The following GALNT14 variants were observed in gnomAD, a reference collection of about 807,000 sequenced individuals.
GALNT14 encodes the protein UDP-GalNAc:polypeptide N-acetylgalactosaminyltransferase 14.
Under a neutral mutation model 77.5 loss-of-function variants are expected in GALNT14, and 60 were observed. The observed-to-expected ratio is 0.77, with a 90% CI of 0.63 to 0.96. The LOEUF (loss-of-function observed/expected upper bound fraction) is 0.96. GALNT14 is among the 40% of genes least tolerant of loss of function. The probability of loss-of-function intolerance (pLI) is 0.00; values close to 1 mark genes in which losing one functional copy is unlikely to be tolerated. For synonymous variants in GALNT14, 280 were observed against 281.7 expected (o/e 0.99, Z 0.06); for missense variants, 710 against 731.0 (o/e 0.97, Z 0.33).
the GALNT14 span, among the ~76,000 whole-genome samples, chr2:30,890,792 G>A: frequency 7.2e-5 from 11 of 152,056 alleles, no homozygotes; most frequent in Admixed American, 2.0e-4. Context: ...CTTTCTATTC[G>A]CTGGACCTGG....
chr2:30,930,981 G>C (rs1235486601), intron 10 of GALNT14, among the ~76,000 whole-genome samples: 1 of 152,214 alleles, frequency 6.6e-6, no homozygotes, highest in Non-Finnish European at 1.5e-5. Flanking sequence ...TTCCAGGCCG[G>C]CCCCCCTCCA....
At chr2:31,084,899 C>T (rs1053929356) in intron 1 of GALNT14, among the ~76,000 whole-genome samples, 3 of 152,124 alleles carry the variant, frequency 2.0e-5, no homozygotes, top group African/African-American at 7.2e-5. Context: ...GTGGCATGCA[C>T]CTGTAATCCC....
intron 1 of GALNT14, among the ~76,000 whole-genome samples, chr2:31,003,396 T>C (rs899782031): frequency 6.6e-6 from 1 of 152,166 alleles, no homozygotes; most frequent in African/African-American, 2.4e-5. Flanking sequence ...TTTTCCCCAC[T>C]TTCCTCCTCA....
chr2:30,969,126 C>T (rs915963070), intron 2 of GALNT14, among the ~76,000 whole-genome samples: 1 of 152,136 alleles, frequency 6.6e-6, no homozygotes, highest in Non-Finnish European at 1.5e-5. Flanking sequence ...CAGGAGGCAA[C>T]AAGTCACAGA....
At chr2:30,969,713 T>G (rs1268585486) in intron 2 of GALNT14, among the ~76,000 whole-genome samples, 1 of 152,078 alleles carries the variant, frequency 6.6e-6, no homozygotes, top group East Asian at 1.9e-4. Flanking sequence ...GTGAGGCAGT[T>G]CCCAGAATCC....
At chr2:31,058,376 CG>C (rs1674373995) in intron 1 of GALNT14, among the ~76,000 whole-genome samples, 1 of 152,082 alleles carries the variant, frequency 6.6e-6, no homozygotes, top group Non-Finnish European at 1.5e-5. Flanking sequence ...AGGGCGTTCT[CG>C]GTGAGTCTGC....
chr2:30,980,545 C>T (rs936032461), intron 2 of GALNT14, among the ~76,000 whole-genome samples: 2 of 152,200 alleles, frequency 1.3e-5, no homozygotes, highest in African/African-American at 2.4e-5. Context: ...TCCCATTTTA[C>T]AGATGAAGAA....
intron 1 of GALNT14, among the ~76,000 whole-genome samples, chr2:31,026,936 T>C (rs955936103): frequency 1.7e-5 from 1 of 57,552 alleles, no homozygotes; most frequent in Non-Finnish European, 4.0e-5. Context: ...CACGCATATC[T>C]ACAAGTGCAA....
At chr2:30,942,736 G>A (rs894157327) in intron 8 of GALNT14, among the ~76,000 whole-genome samples, 1 of 152,170 alleles carries the variant, frequency 6.6e-6, no homozygotes, top group East Asian at 1.9e-4. Context: ...AGAGGAGAAG[G>A]GCTGAGGCGG....
chr2:30,977,544 A>G (rs1175928977), intron 2 of GALNT14, among the ~76,000 whole-genome samples: 1 of 152,154 alleles, frequency 6.6e-6, no homozygotes, highest in East Asian at 1.9e-4. Flanking sequence ...CTTTCCACCT[A>G]AAGGATCAGA....
At chr2:31,064,764 C>G (rs1180908410) in intron 1 of GALNT14, among the ~76,000 whole-genome samples, 1 of 151,986 alleles carries the variant, frequency 6.6e-6, no homozygotes, top group African/African-American at 2.4e-5. Flanking sequence ...TCGGAAATGG[C>G]TCTGCTCTCA....
intron 1 of GALNT14, among the ~76,000 whole-genome samples, chr2:31,083,482 G>GGGAA (rs1198675340): frequency 6.6e-6 from 1 of 152,192 alleles, no homozygotes; most frequent in African/African-American, 2.4e-5. Flanking sequence ...AGAACAAGGA[G>GGGAA]GGAAGAGGAG....
chr2:31,039,159 T>C (rs1243444672), intron 1 of GALNT14, among the ~76,000 whole-genome samples: 6 of 152,236 alleles, frequency 3.9e-5, no homozygotes. Context: ...GTTGCTTTTA[T>C]GGAGATGTGG....
intron 11 of GALNT14, among the ~76,000 whole-genome samples, chr2:30,925,122 C>A (rs1319991736): frequency 6.6e-6 from 1 of 152,200 alleles, no homozygotes; most frequent in African/African-American, 2.4e-5. Flanking sequence ...AACAAAGCTG[C>A]AAGAACATTC....
downstream of GALNT14, among the ~76,000 whole-genome samples, chr2:30,907,626 G>C (rs1213433961): frequency 1.3e-5 from 2 of 152,048 alleles, no homozygotes; most frequent in Middle Eastern, 6.8e-3. Flanking sequence ...AATTCTACCA[G>C]AGGTACAAGG....
At chr2:31,049,877 T>C (rs185392922) in intron 1 of GALNT14, among the ~76,000 whole-genome samples, 314 of 152,340 alleles carry the variant, frequency 2.1e-3, no homozygotes, top group African/African-American at 7.2e-3. Context: ...GTGCCTTGGT[T>C]TAAATAATAA....
At chr2:31,105,451 T>C (rs1488041796) in intron 1 of GALNT14, among the ~76,000 whole-genome samples, 17 of 152,104 alleles carry the variant, frequency 1.1e-4, no homozygotes, top group Non-Finnish European at 2.9e-5. Context: ...GGGCACTATT[T>C]AGAAACCAAG....
chr2:31,032,208 T>C (rs1037860594), intron 1 of GALNT14, among the ~76,000 whole-genome samples: 1 of 152,200 alleles, frequency 6.6e-6, no homozygotes, highest in Non-Finnish European at 1.5e-5. Context: ...AACACTGATT[T>C]TTCTCCAGTG....
chr2:31,137,667 C>A (rs1339701003), intron 1 of GALNT14, among the ~76,000 whole-genome samples: 1 of 152,174 alleles, frequency 6.6e-6, no homozygotes, highest in African/African-American at 2.4e-5. Context: ...CGCAGAGCCC[C>A]CTCCGCCCCG....
Sources: gnomAD v4.1 joint callset for allele counts (sites outside exome capture counted in the v4.1 genomes callset) on GRCh38, gnomAD v4.1.1 for gene constraint, MANE v1.5 for transcripts, NCBI Gene and HGNC (gene_info 2026-07-23, HGNC 2026-07-21) for gene names.